Variants in GALNT17 observed in about 807,000 individuals in gnomAD.
GALNT17 encodes the protein UDP-GalNAc:polypeptide N-acetylgalactosaminyltransferase-like 3.
Under a neutral mutation model 63.7 loss-of-function variants are expected in GALNT17, and 29 were observed. That is an observed-to-expected ratio of 0.46 (90% CI 0.34 to 0.62). GALNT17 has a LOEUF of 0.62. Among genes scored for constraint, GALNT17 ranks in the 20% least tolerant of loss-of-function variants. GALNT17 has a pLI of 0.01. For synonymous variants in GALNT17, 305 were observed against 318.3 expected (o/e 0.96, Z 0.45); for missense variants, 603 against 799.6 (o/e 0.75, Z 2.97).
At chr7:71,455,417 TG>T (rs2116563352) in intron 5 of GALNT17, among the ~76,000 whole-genome samples, 1 of 152,182 alleles carries the variant, frequency 6.6e-6, no homozygotes, top group Non-Finnish European at 1.5e-5. Flanking sequence ...CTTTGCCAGG[TG>T]GGGTCCAGTC....
intron 1 of GALNT17, among the ~76,000 whole-genome samples, chr7:71,335,109 G>A (rs1198725403): frequency 1.3e-5 from 2 of 151,994 alleles, no homozygotes; most frequent in South Asian, 2.1e-4. Context: ...GTCCCCAAAA[G>A]GAGAGAGAGG....
chr7:71,564,557 A>G (rs1789308805), intron 5 of GALNT17, among the ~76,000 whole-genome samples: 1 of 151,450 alleles, frequency 6.6e-6, no homozygotes, highest in Admixed American at 6.6e-5. Flanking sequence ...AAGTGCTGGG[A>G]TTACAGGTGT....
chr7:71,445,200 A>G (rs1365894294), intron 5 of GALNT17, among the ~76,000 whole-genome samples: 2 of 135,770 alleles, frequency 1.5e-5, no homozygotes, highest in East Asian at 4.2e-4. Flanking sequence ...TTTTTTTGAG[A>G]CAGATTCTCA....
chr7:71,360,444 C>A (rs1016994767), intron 2 of GALNT17, among the ~76,000 whole-genome samples: 1 of 152,044 alleles, frequency 6.6e-6, no homozygotes, highest in Non-Finnish European at 1.5e-5. Flanking sequence ...TTCCAAGTTC[C>A]TGGGACTATG....
intron 1 of GALNT17, among the ~76,000 whole-genome samples, chr7:71,148,854 GTATTTT>G (rs200976924): frequency 0.085 from 8,023 of 93,908 alleles, 367 homozygotes; most frequent in African/African-American, 0.14. Flanking sequence ...TAGTATTATG[GTATTTT>G]TATATATATA....
chr7:71,552,014 A>ATTT (rs1156739942), intron 5 of GALNT17, among the ~76,000 whole-genome samples: 6 of 2,146 alleles, frequency 2.8e-3, no homozygotes, highest in Non-Finnish European at 6.2e-3. Context: ...TGCTCTTTTT[A>ATTT]TTTATTTATT....
intron 1 of GALNT17, among the ~76,000 whole-genome samples, chr7:71,313,034 A>G (rs1310404735): frequency 2.6e-5 from 4 of 152,128 alleles, no homozygotes; most frequent in Non-Finnish European, 4.4e-5. Flanking sequence ...ACTTGAGCCC[A>G]GGAGTTTGAG....
chr7:71,215,804 C>T (rs1184275600), intron 1 of GALNT17, among the ~76,000 whole-genome samples: 5 of 152,150 alleles, frequency 3.3e-5, no homozygotes, highest in Admixed American at 3.3e-4. Context: ...ACATTTTGGG[C>T]TCAGGAACCC....
At chr7:71,466,052 T>G (rs1787529364) in intron 5 of GALNT17, among the ~76,000 whole-genome samples, 1 of 152,196 alleles carries the variant, frequency 6.6e-6, no homozygotes. Flanking sequence ...GAATGGAGAT[T>G]CTTTACAGAT....
At chr7:71,518,749 G>C (rs1788482134) in intron 5 of GALNT17, among the ~76,000 whole-genome samples, 1 of 152,138 alleles carries the variant, frequency 6.6e-6, no homozygotes, top group South Asian at 2.1e-4. Context: ...CCCACTGCCA[G>C]GCAAGATTAA....
intron 1 of GALNT17, among the ~76,000 whole-genome samples, chr7:71,168,705 A>ATGTG (rs10536926): frequency 0.03 from 4,525 of 149,092 alleles, 151 homozygotes; most frequent in African/African-American, 0.077. Context: ...AGTTACGTGT[A>ATGTG]TGTGTGTGTG....
At chr7:71,646,548 A>C (rs944477598) in intron 6 of GALNT17, among the ~76,000 whole-genome samples, 4 of 152,074 alleles carry the variant, frequency 2.6e-5, no homozygotes, top group Non-Finnish European at 5.9e-5. Context: ...AATGGAGTGC[A>C]TGTTAGTTTA....
intron 5 of GALNT17, among the ~76,000 whole-genome samples, chr7:71,442,993 C>T (rs1787095530): frequency 1.3e-5 from 2 of 152,126 alleles, no homozygotes; most frequent in Admixed American, 1.3e-4. Context: ...TCTTGAGTGT[C>T]TTTTATGAAC....
In GALNT17 at chr7:71,217,155, T is replaced by TG. The variant is rs937479799; in HGVS notation, c.238+84115_238+84116insG. Among the ~76,000 whole-genome samples the TG allele has an allele frequency of 5.3e-5, 8 of 149,934 alleles. No individual in the cohort carries two copies. The East Asian group carries it at 7.8e-4, about 15-fold the overall frequency. ...ATTTTTTCGTGTTTTGTTTTTTTTTTTTTTTTTTTTGAGATAGAGTTTTGC... is the reference window on the plus strand; with the variant it reads ...ATTTTTTCGTGTTTTGTTTTTTTTTTGTTTTTTTTTTGAGATAGAGTTTTGC... On this transcript the variant is annotated intron_variant, in intron 1 of 10. Transcript: ENST00000333538.
chr7:71,413,279 G>A (rs1793462556), intron 3 of GALNT17, among the ~76,000 whole-genome samples: 1 of 152,164 alleles, frequency 6.6e-6, no homozygotes, highest in South Asian at 2.1e-4. Flanking sequence ...ACTCCTCACA[G>A]CACTCTTCCT....
At chr7:71,365,269 C>G (rs1792482650) in intron 2 of GALNT17, among the ~76,000 whole-genome samples, 1 of 151,856 alleles carries the variant, frequency 6.6e-6, no homozygotes. Context: ...GAAACAGAGT[C>G]TCGCTCTGCT....
At chr7:71,569,139 T>C (rs1410228457) in intron 5 of GALNT17, among the ~76,000 whole-genome samples, 2 of 152,242 alleles carry the variant, frequency 1.3e-5, no homozygotes, top group East Asian at 3.9e-4. Flanking sequence ...GCCTGGCTAA[T>C]TTTTTTATCT....
intron 6 of GALNT17, among the ~76,000 whole-genome samples, chr7:71,650,490 G>T (rs924925106): frequency 6.6e-6 from 1 of 152,150 alleles, no homozygotes; most frequent in Non-Finnish European, 1.5e-5. Flanking sequence ...CTCCCAAAGT[G>T]CTGGGATTAC....
chr7:71,481,052 C>G (rs1787809100), intron 5 of GALNT17, among the ~76,000 whole-genome samples: 1 of 152,218 alleles, frequency 6.6e-6, no homozygotes, highest in Non-Finnish European at 1.5e-5. Flanking sequence ...AGTCTGGTCC[C>G]TGGCTTTGCC....
Sources: gnomAD v4.1 joint callset for allele counts (sites outside exome capture counted in the v4.1 genomes callset) on GRCh38, gnomAD v4.1.1 for gene constraint, MANE v1.5 for transcripts, NCBI Gene and HGNC (gene_info 2026-07-23, HGNC 2026-07-21) for gene names.